Variants in CDH6 observed in about 807,000 individuals in gnomAD.
CDH6 encodes the protein cadherin 6.
Under a neutral mutation model 78.0 loss-of-function variants are expected in CDH6, and 31 were observed. The ratio of observed to expected loss-of-function variants is 0.40; its 90% CI spans 0.30 to 0.54. The LOEUF (loss-of-function observed/expected upper bound fraction) is 0.54, where lower values mean the gene tolerates loss of function less well. Among genes scored for constraint, CDH6 ranks in the 20% least tolerant of loss-of-function variants. The probability of loss-of-function intolerance (pLI) is 0.56; values close to 1 mark genes in which losing one functional copy is unlikely to be tolerated. For missense variants in CDH6, 724 were observed against 975.9 expected, an observed-to-expected ratio of 0.74 and a Z score of 3.44; for synonymous variants, 376 against 368.8, an observed-to-expected ratio of 1.02 and a Z score of -0.23.
At chr5:31,211,125 A>C (rs1318310884) in intron 1 of CDH6, among the ~76,000 whole-genome samples, 1 of 152,136 alleles carries the variant, frequency 6.6e-6, no homozygotes, top group East Asian at 1.9e-4. Context: ...GACTAGAAAT[A>C]CATCACTGTC....
At chr5:31,204,127 T>C (rs1740447904) in intron 1 of CDH6, among the ~76,000 whole-genome samples, 1 of 152,230 alleles carries the variant, frequency 6.6e-6, no homozygotes. Context: ...CAAATGCAAG[T>C]GCTGTATTTA....
intron 1 of CDH6, among the ~76,000 whole-genome samples, chr5:31,244,308 A>C (rs867767187): frequency 1.3e-5 from 2 of 152,340 alleles, no homozygotes; most frequent in South Asian, 2.1e-4. Context: ...AGAACATAAA[A>C]GGTGGTCATA....
At chr5:31,197,914 C>A (rs972459931) in intron 1 of CDH6, among the ~76,000 whole-genome samples, 7 of 152,096 alleles carry the variant, frequency 4.6e-5, no homozygotes, top group Admixed American at 2.0e-4. Context: ...CGTACAGAAG[C>A]CTCTCTTTTT....
At position 31,302,178 on chromosome 5, in the gene CDH6, C is replaced by T. The variant is rs371603645; in HGVS notation, c.879C>T (p.Ser293=). The T allele has an allele frequency of 1.5e-5, 24 of 1,613,712 alleles. No homozygotes were observed. The highest frequency in any genetic ancestry group is 2.2e-5 in the South Asian group (2 of 91,076). The change falls in exon 6 of 12, where the codon AGC becomes AGT. Residue 293 remains serine (S), a synonymous_variant. Coordinates refer to ENST00000265071, the MANE Select transcript of CDH6 (RefSeq NM_004932.4). The part of the protein sequence containing the change: ...PGTPIGRIKA[S]DADVGENAEI... ...CACCAATTGGCAGAATCAAAGCCAGCGACGCTGATGTGGGAGAAAATGCTG... is the reference window on the plus strand; with the variant it reads ...CACCAATTGGCAGAATCAAAGCCAGTGACGCTGATGTGGGAGAAAATGCTG...
intron 7 of CDH6, among the ~76,000 whole-genome samples, chr5:31,309,993 A>C (rs1460938283): frequency 6.6e-6 from 1 of 151,584 alleles, no homozygotes; most frequent in Non-Finnish European, 1.5e-5. Context: ...CCCCTCCCAA[A>C]TCTCATGTCC....
chr5:31,241,783 C>A (rs1031920514), intron 1 of CDH6, among the ~76,000 whole-genome samples: 1 of 152,190 alleles, frequency 6.6e-6, no homozygotes, highest in East Asian at 1.9e-4. Context: ...ACTAATAGAC[C>A]TTTGGAGGTC....
At chr5:31,320,020 C>A (rs569868805) in intron 11 of CDH6, among the ~76,000 whole-genome samples, 92 of 152,198 alleles carry the variant, frequency 6.0e-4, no homozygotes, top group African/African-American at 2.0e-3. Flanking sequence ...CAAATTTGCC[C>A]AATTGTCCCT....
chr5:31,262,119 T>C (rs76412584), intron 1 of CDH6, among the ~76,000 whole-genome samples: 1 of 152,336 alleles, frequency 6.6e-6, no homozygotes, highest in East Asian at 1.9e-4. Context: ...TTGCATTAAT[T>C]ATCACATATT....
At chr5:31,252,458 T>C (rs942797938) in intron 1 of CDH6, among the ~76,000 whole-genome samples, 17 of 152,178 alleles carry the variant, frequency 1.1e-4, no homozygotes, top group Middle Eastern at 6.8e-3. Flanking sequence ...AATCAAATAA[T>C]CCAGTCAATA....
At position 31,297,279 on chromosome 5, in the gene CDH6, G is replaced by A; in HGVS notation, c.524-10G>A. 1 of 1,609,226 alleles carries A rather than the reference G, an allele frequency of 6.2e-7. No homozygotes were observed. Among genetic ancestry groups the A allele is most frequent in the Admixed American group, 1.7e-5 (1 of 59,904 alleles). Reference sequence around the variant, plus strand: ...TGATGTGTTTTCAGTTTATATTTCTGTCATTACAGGTACATTTGTTGTCCA... The same window carrying A: ...TGATGTGTTTTCAGTTTATATTTCTATCATTACAGGTACATTTGTTGTCCA... On this transcript the variant is annotated splice_polypyrimidine_tract_variant and intron_variant, in intron 3 of 11. Coordinates refer to ENST00000265071, the MANE Select transcript of CDH6 (RefSeq NM_004932.4).
intron 2 of CDH6, among the ~76,000 whole-genome samples, chr5:31,278,313 A>C (rs1249053978): frequency 6.6e-6 from 1 of 152,192 alleles, no homozygotes. Context: ...CAAATATTTT[A>C]TGATACAAAA....
intron 1 of CDH6, among the ~76,000 whole-genome samples, chr5:31,237,327 G>A (rs1321435689): frequency 1.3e-5 from 2 of 152,074 alleles, no homozygotes. Context: ...GTCAGCAGAT[G>A]GCGATAGCCA....
In CDH6 at chr5:31,324,848, T is replaced by A. The variant is rs1176045698; in HGVS notation, c.*1540T>A. On this transcript the variant is annotated 3_prime_UTR_variant, in exon 12 of 12. Coordinates refer to ENST00000265071, the MANE Select transcript of CDH6 (RefSeq NM_004932.4). The stretch of plus-strand genomic sequence containing the variant: ...TGGCACTTATCATTAGAATCTTACC[T>A]TGTGCAGTCATCAGAAATTCCAGCG... The A allele has an allele frequency of 4.9e-6, 1 of 205,172 alleles. No individual in the cohort carries two copies. The highest frequency in any genetic ancestry group is 1.0e-5 in the Non-Finnish European group (1 of 100,472). 12.7% of individuals were successfully genotyped at this position (205,172 alleles called of 1,614,324 possible). A position where few individuals can be genotyped will look rare whatever the true frequency, so the allele number is the denominator to read the frequency against.
At chr5:31,234,756 G>A (rs1028576871) in intron 1 of CDH6, among the ~76,000 whole-genome samples, 3 of 151,978 alleles carry the variant, frequency 2.0e-5, no homozygotes, top group Admixed American at 1.3e-4. Context: ...ATATTGATTA[G>A]CTCAAATTAT....
chr5:31,274,688 C>T (rs1382383479), intron 2 of CDH6, among the ~76,000 whole-genome samples: 21 of 152,176 alleles, frequency 1.4e-4, no homozygotes, highest in Admixed American at 1.2e-3. Context: ...GGCGTGGTAG[C>T]GCATGCCTGG....
In CDH6 at chr5:31,225,346, A is replaced by T. The variant is rs144261600; in HGVS notation, c.-129+31460A>T. The stretch of plus-strand genomic sequence containing the variant: ...AGCCATGTATTCTTTGGGCTTGTTG[A>T]TATTATTACTCTTACTATAGACACA... On this transcript the variant is annotated intron_variant, in intron 1 of 11. Transcript: ENST00000265071. Among the ~76,000 whole-genome samples the T allele has an allele frequency of 2.0e-5, 3 of 152,264 alleles. No homozygotes were observed. In the East Asian group the frequency reaches 5.8e-4, roughly 29 times the overall value.
At chr5:31,314,760 A>G (rs1319851) in intron 8 of CDH6, among the ~76,000 whole-genome samples, 1,916 of 152,234 alleles carry the variant, frequency 0.013, 40 homozygotes, top group African/African-American at 0.044. Flanking sequence ...TTCCTAAGAC[A>G]ATGAAATTTT....
At chr5:31,285,435 C>T (rs551276294) in intron 2 of CDH6, among the ~76,000 whole-genome samples, 3 of 152,308 alleles carry the variant, frequency 2.0e-5, no homozygotes, top group East Asian at 3.9e-4. Context: ...TTTTACTTAC[C>T]TTGTGAATCC....
intron 1 of CDH6, among the ~76,000 whole-genome samples, chr5:31,243,227 C>T (rs550182643): frequency 2.2e-4 from 33 of 152,204 alleles, no homozygotes; most frequent in East Asian, 1.6e-3. Flanking sequence ...TGAGGTCGGC[C>T]GCTAGATACA....
Sources: allele counts gnomAD v4.1 joint callset (sites outside exome capture counted in the v4.1 genomes callset), GRCh38; gene constraint gnomAD v4.1.1; transcripts MANE v1.5; gene names NCBI Gene and HGNC (gene_info 2026-07-23, HGNC 2026-07-21).